The following PRKRIP1 variants were observed in gnomAD, a reference collection of about 807,000 sequenced individuals.
PRKRIP1 encodes the protein PRKR-interacting protein 1.
PRKRIP1 carries 29 observed loss-of-function variants against 29.3 expected under a neutral mutation model. That is an observed-to-expected ratio of 0.99 (90% CI 0.74 to 1.35). PRKRIP1 has a LOEUF of 1.35. Among genes scored for constraint, PRKRIP1 ranks in the 40% most tolerant of loss-of-function variants. PRKRIP1 has a pLI of 0.00. For synonymous variants in PRKRIP1, 90 were observed against 85.1 expected (o/e 1.06, Z -0.32); for missense variants, 247 against 236.8 (o/e 1.04, Z -0.28).
intron 5 of PRKRIP1, among the ~76,000 whole-genome samples, chr7:102,422,188 TATC>T (rs1554573837): frequency 6.8e-6 from 1 of 147,392 alleles, no homozygotes; most frequent in Non-Finnish European, 1.5e-5. Context: ...TGATTATTAT[TATC>T]AGAGACGGAT....
intron 4 of PRKRIP1, 57 bp downstream of exon 4, chr7:102,404,740 G>A: frequency 1.4e-6 from 2 of 1,385,102 alleles, no homozygotes; most frequent in Non-Finnish European, 1.0e-6. Flanking sequence ...GTGGCTGGGT[G>A]AGCTGTCCTT....
At chr7:102,401,886 GA>G (rs1554571203) in intron 3 of PRKRIP1, among the ~76,000 whole-genome samples, 11 of 152,202 alleles carry the variant, frequency 7.2e-5, no homozygotes, top group Non-Finnish European at 1.6e-4. Flanking sequence ...CTGGGCGACA[GA>G]GTGAGACTCC....
intron 5 of PRKRIP1, among the ~76,000 whole-genome samples, chr7:102,410,507 C>G (rs529896538): frequency 6.6e-6 from 1 of 152,258 alleles, no homozygotes; most frequent in Non-Finnish European, 1.5e-5. Context: ...AGTGGAACTT[C>G]CAACAGCTCC....
At chr7:102,396,608 C>A in intron 1 of PRKRIP1, 71 bp downstream of exon 1, 1 of 1,509,088 alleles carries the variant, frequency 6.6e-7, no homozygotes, top group Non-Finnish European at 8.9e-7. Flanking sequence ...TCAGGGTTCC[C>A]GCAGGTCCAC....
chr7:102,425,540 G>A lies in PRKRIP1; in HGVS notation c.*429G>A, dbSNP rs952676406. 5.9e-5 allele frequency: 17 copies of A among 286,422 alleles called. No individual in the cohort carries two copies. Among genetic ancestry groups the A allele is most frequent in the Admixed American group, 1.1e-4 (2 of 18,694 alleles). The allele number at this position is 286,422 out of a possible 1,614,324, so 17.7% of individuals were successfully genotyped here. ...CCCACGGGGACTGAAGACACATTAC[G>A]TGGACCTGGTCCCAGGCTCAGTGAG... On this transcript the variant is annotated 3_prime_UTR_variant, in exon 6 of 6. Coordinates refer to ENST00000397912, the MANE Select transcript of PRKRIP1 (RefSeq NM_024653.4).
intron 2 of PRKRIP1, among the ~76,000 whole-genome samples, chr7:102,399,269 A>G (rs909805238): frequency 1.3e-5 from 2 of 152,230 alleles, no homozygotes; most frequent in Admixed American, 1.3e-4. Context: ...ATGTGAAATC[A>G]TGGAGGAGGT....
At position 102,409,082 on chromosome 7, in the gene PRKRIP1, G is replaced by A. The variant is rs547202104; in HGVS notation, c.457+1584G>A. 3.3e-5 allele frequency among the ~76,000 whole-genome samples: 5 copies of A among 152,294 alleles called. No individual in the cohort carries two copies. The East Asian group carries it at 9.6e-4, about 29-fold the overall frequency. ...CCAGCTATTCGGGAGGCTGAGGCAG[G>A]AGAATTGCTTGAACCTGGGAGGCAG... On this transcript the variant is annotated intron_variant, in intron 5 of 5. Transcript: ENST00000397912.
intron 5 of PRKRIP1, among the ~76,000 whole-genome samples, chr7:102,411,611 C>T (rs1796384377): frequency 6.6e-6 from 1 of 151,854 alleles, no homozygotes; most frequent in South Asian, 2.1e-4. Context: ...TCTTGAACTC[C>T]TCACCTAAGG....
At chr7:102,411,099 G>C (rs1461200216) in intron 5 of PRKRIP1, among the ~76,000 whole-genome samples, 2 of 151,728 alleles carry the variant, frequency 1.3e-5, no homozygotes, top group Admixed American at 6.6e-5. Flanking sequence ...TGGCTAATGT[G>C]TTATTTTTTT....
chr7:102,403,727 T>C, intron 3 of PRKRIP1, among the ~76,000 whole-genome samples: 1 of 152,242 alleles, frequency 6.6e-6, no homozygotes, highest in South Asian at 2.1e-4. Context: ...AATTACAATT[T>C]TCCCCATTTT....
At chr7:102,422,098 T>C (rs1270249089) in intron 5 of PRKRIP1, among the ~76,000 whole-genome samples, 9 of 151,350 alleles carry the variant, frequency 5.9e-5, no homozygotes, top group Non-Finnish European at 1.2e-4. Context: ...ATAGACGCCT[T>C]TGCTTTCTGA....
chr7:102,422,470 A>G (rs538410054), intron 5 of PRKRIP1, among the ~76,000 whole-genome samples: 4 of 152,050 alleles, frequency 2.6e-5, no homozygotes, highest in South Asian at 2.1e-4. Context: ...CAGCCTCCCA[A>G]GTAGCTGGGA....
rs1586669862 is a variant in PRKRIP1 at position 102,396,417 on chromosome 7, T to C, written c.6T>C (p.Ala2=). Residue 2 remains alanine (A), a synonymous_variant, in exon 1 of 6, where the codon GCT becomes GCC. Coordinates refer to ENST00000397912, the MANE Select transcript of PRKRIP1 (RefSeq NM_024653.4). M[A]SPAASSVRPP... is the part of the protein sequence containing the mutation. ...TGTGAAACTGGAAGGCTGCCATGGC[T>C]AGCCCAGCCGCCTCCTCGGTGCGAC... 3.8e-6 allele frequency: 6 copies of C among 1,578,052 alleles called. No individual in the cohort carries two copies. Among genetic ancestry groups the C allele is most frequent in the East Asian group, 2.3e-5 (1 of 43,652 alleles).
chr7:102,405,648 G>C (rs967661932), intron 4 of PRKRIP1: 1 of 156,860 alleles, frequency 6.4e-6, no homozygotes, highest in Non-Finnish European at 1.5e-5. Flanking sequence ...TTATTTCTGA[G>C]GTTGCTTTGC....
At chr7:102,398,505 G>A (rs60182021) in intron 2 of PRKRIP1, among the ~76,000 whole-genome samples, 1 of 151,946 alleles carries the variant, frequency 6.6e-6, no homozygotes, top group Admixed American at 6.6e-5. Flanking sequence ...GGCTGGTCTT[G>A]AACTCCTGAC....
chr7:102,423,802 G>A (rs1796766731), intron 5 of PRKRIP1, among the ~76,000 whole-genome samples: 1 of 152,072 alleles, frequency 6.6e-6, no homozygotes, highest in African/African-American at 2.4e-5. Flanking sequence ...TCAGCCTCAT[G>A]AGTAGCGAGG....
chr7:102,408,747 C>T (rs1316474628), intron 5 of PRKRIP1, among the ~76,000 whole-genome samples: 11 of 152,160 alleles, frequency 7.2e-5, no homozygotes, highest in African/African-American at 1.4e-4. Context: ...CATGGTGGCC[C>T]GTGCCTATAA....
intron 5 of PRKRIP1, among the ~76,000 whole-genome samples, chr7:102,421,883 G>A (rs1185095095): frequency 6.6e-6 from 1 of 151,958 alleles, no homozygotes; most frequent in African/African-American, 2.4e-5. Flanking sequence ...CCATTTAGCA[G>A]CCGATCCAGG....
chr7:102,419,648 C>T (rs924895190), intron 5 of PRKRIP1, among the ~76,000 whole-genome samples: 1 of 152,120 alleles, frequency 6.6e-6, no homozygotes, highest in East Asian at 1.9e-4. Flanking sequence ...GGAATTAAAT[C>T]GTATACAGCC....
Sources: gnomAD v4.1 joint callset for allele counts (sites outside exome capture counted in the v4.1 genomes callset) on GRCh38, gnomAD v4.1.1 for gene constraint, MANE v1.5 for transcripts, NCBI Gene and HGNC (gene_info 2026-07-23, HGNC 2026-07-21) for gene names.